Variants in ZBTB44 observed in about 807,000 individuals in gnomAD.
ZBTB44 encodes the protein zinc finger and BTB domain-containing protein 44.
In ZBTB44, 15 loss-of-function variants were observed where a neutral mutation model predicts 54.0. The observed-to-expected ratio is 0.28, with a 90% CI of 0.19 to 0.43. ZBTB44 has a LOEUF of 0.43. Ranked by LOEUF, ZBTB44 falls within the 20% of genes least tolerant of loss-of-function variation. The pLI, the probability that ZBTB44 is intolerant of heterozygous loss-of-function variation, is 1.00. For synonymous variants in ZBTB44, 230 were observed against 250.1 expected (o/e 0.92, Z 0.76); for missense variants, 487 against 707.1 (o/e 0.69, Z 3.53).
intron 1 of ZBTB44, among the ~76,000 whole-genome samples, chr11:130,302,980 A>G (rs1942066970): frequency 6.6e-6 from 1 of 152,170 alleles, no homozygotes; most frequent in African/African-American, 2.4e-5. Context: ...CATCACACAC[A>G]CCCACACATA....
intron 1 of ZBTB44, chr11:130,296,921 T>C (rs1941688276): frequency 1.4e-6 from 1 of 735,484 alleles, no homozygotes; most frequent in South Asian, 1.5e-5. Flanking sequence ...TGAATGTCAA[T>C]GGCAATGAAG....
rs1188662113 is a variant in ZBTB44 at position 130,261,976 on chromosome 11, A to T, written c.-56-47T>A. ...GCATTAATTGATATTTTAGTGGTTTAAAATGTGATTTAGATCATTTTCATG... is the reference window on the plus strand; with the variant it reads ...GCATTAATTGATATTTTAGTGGTTTTAAATGTGATTTAGATCATTTTCATG... On this transcript the variant is annotated intron_variant, in intron 1 of 7. Transcript: ENST00000357899. The surrounding 1 kb of genome is among the most constrained non-coding windows in gnomAD (Gnocchi z 4.8). 1.2e-5 allele frequency: 16 copies of T among 1,323,396 alleles called. No individual in the cohort carries two copies. The highest frequency in any genetic ancestry group is 1.4e-5 in the Non-Finnish European group (14 of 998,332). The allele number at this position is 1,323,396 out of a possible 1,614,324, so 82.0% of individuals were successfully genotyped here. A position where few individuals can be genotyped will look rare whatever the true frequency, so the allele number is the denominator to read the frequency against.
intron 1 of ZBTB44, chr11:130,285,810 A>G (rs1253886790): frequency 5.5e-6 from 1 of 180,980 alleles, no homozygotes; most frequent in Non-Finnish European, 1.2e-5. Context: ...CACAAGGCAC[A>G]CAACAAATCC....
In ZBTB44 at chr11:130,260,994, A is replaced by G. The variant is rs760036004; in HGVS notation, c.880T>C (p.Leu294=). Residue 294 remains leucine (L), a synonymous_variant, in exon 2 of 8, where the codon TTA becomes CTA. Transcript: ENST00000357899. ...EEDVRVKVER[L]SDEEVHEEVS... ...TCCTCATGGACCTCCTCATCACTTAATCTTTCTACTTTGACCCGGACATCT... is the reference window on the plus strand; with the variant it reads ...TCCTCATGGACCTCCTCATCACTTAGTCTTTCTACTTTGACCCGGACATCT... The G allele has an allele frequency of 5.8e-5, 94 of 1,613,772 alleles. No homozygotes were observed. The Middle Eastern group carries it at 9.9e-4, about 17-fold the overall frequency.
chr11:130,259,350 T>C (rs1313338284), intron 2 of ZBTB44, among the ~76,000 whole-genome samples: 3 of 152,254 alleles, frequency 2.0e-5, no homozygotes, highest in Non-Finnish European at 2.9e-5. Flanking sequence ...TTTACACTGT[T>C]GGTGGGACTG....
chr11:130,290,453 C>G (rs1042634374), intron 1 of ZBTB44, among the ~76,000 whole-genome samples: 1 of 152,212 alleles, frequency 6.6e-6, no homozygotes, highest in Non-Finnish European at 1.5e-5. Flanking sequence ...CCTTTTCCTC[C>G]TAACACAGAC....
At chr11:130,291,140 T>A (rs1049171091) in intron 1 of ZBTB44, among the ~76,000 whole-genome samples, 2 of 151,132 alleles carry the variant, frequency 1.3e-5, no homozygotes, top group Non-Finnish European at 3.0e-5. Context: ...CCTTTGTTGT[T>A]TTTTTTTTTG....
chr11:130,254,031 C>T (rs910263989), intron 2 of ZBTB44, among the ~76,000 whole-genome samples: 1 of 152,186 alleles, frequency 6.6e-6, no homozygotes, highest in Non-Finnish European at 1.5e-5. Context: ...AAAGGTGAAA[C>T]TGGATCCCTT....
intron 1 of ZBTB44, among the ~76,000 whole-genome samples, chr11:130,292,012 G>C (rs1941325955): frequency 6.6e-6 from 1 of 152,128 alleles, no homozygotes; most frequent in Non-Finnish European, 1.5e-5. Flanking sequence ...ATATAAATGG[G>C]ATTATATAGT....
Position 130,240,798 on chromosome 11 carries a change from T to C in ZBTB44, c.1019-902A>G, listed in dbSNP as rs552987914. Among the ~76,000 whole-genome samples the C allele has an allele frequency of 3.9e-4, 60 of 152,340 alleles. No individual in the cohort carries two copies. In the Middle Eastern group the frequency reaches 0.014, roughly 35 times the overall value. ...CAAGTATCCATAAGGTAGGTATTCG[T>C]TCTTGCTGGAACACAACTTTGGCTG... On this transcript the variant is annotated intron_variant, in intron 2 of 7. Transcript: ENST00000357899.
intron 1 of ZBTB44, among the ~76,000 whole-genome samples, chr11:130,309,675 A>G (rs1187683017): frequency 3.3e-5 from 5 of 152,092 alleles, no homozygotes; most frequent in Admixed American, 3.3e-4. Flanking sequence ...CAGGTGAATC[A>G]CTTGAGGTCA....
At position 130,228,494 on chromosome 11, in the gene ZBTB44, G is replaced by A; in HGVS notation, c.*3270C>T. On this transcript the variant is annotated 3_prime_UTR_variant, in exon 8 of 8. Transcript: ENST00000357899. ...AATCGCCTAGAGAAAACACACATAAGCTAATCCTAGAAAAGGCTCTCCTTA... is the reference window on the plus strand; with the variant it reads ...AATCGCCTAGAGAAAACACACATAAACTAATCCTAGAAAAGGCTCTCCTTA... The A allele has an allele frequency of 6.6e-6, 1 of 152,132 alleles. No homozygotes were observed. Among genetic ancestry groups the A allele is most frequent in the East Asian group, 1.9e-4 (1 of 5,188 alleles). The allele number at this position is 152,132 out of a possible 1,614,324, so 9.4% of individuals were successfully genotyped here.
chr11:130,242,470 C>A (rs1171523537), intron 2 of ZBTB44, among the ~76,000 whole-genome samples: 1 of 152,094 alleles, frequency 6.6e-6, no homozygotes, highest in African/African-American at 2.4e-5. Context: ...TCACTTCTGC[C>A]AAAAGTCCAT....
chr11:130,247,211 A>G (rs965815759), intron 2 of ZBTB44, among the ~76,000 whole-genome samples: 2 of 152,214 alleles, frequency 1.3e-5, no homozygotes, highest in Non-Finnish European at 1.5e-5. Flanking sequence ...GTTGCAAATG[A>G]GCAACAAACT....
chr11:130,299,511 C>T (rs1941873324), intron 1 of ZBTB44, among the ~76,000 whole-genome samples: 1 of 151,464 alleles, frequency 6.6e-6, no homozygotes, highest in African/African-American at 2.4e-5. Flanking sequence ...CGAGACCGTG[C>T]CATTGCACTC....
intron 1 of ZBTB44, among the ~76,000 whole-genome samples, chr11:130,264,738 A>C (rs577210411): frequency 6.6e-6 from 1 of 152,342 alleles, no homozygotes; most frequent in African/African-American, 2.4e-5. Flanking sequence ...TCCATAATAC[A>C]AACTTATATG....
rs374961613 is a variant in ZBTB44, at chr11:130,302,801, C to T, written c.-57+11574G>A. ...CAGCCTGCCTGACATGGTGAAACCC[C>T]GTCTCTACTTAAAAAATACAAAAAC... On this transcript the variant is annotated intron_variant, in intron 1 of 7. Coordinates refer to ENST00000357899, the MANE Select transcript of ZBTB44 (RefSeq NM_001301098.2). 2.9e-4 allele frequency among the ~76,000 whole-genome samples: 44 copies of T among 152,226 alleles called. 1 individual carries two copies. In the South Asian group the frequency reaches 6.2e-3, roughly 22 times the overall value.
At chr11:130,262,122 G>A (rs552714437) in intron 1 of ZBTB44, among the ~76,000 whole-genome samples, 193 bp from the exon 2 acceptor site, 2 of 152,138 alleles carry the variant, frequency 1.3e-5, no homozygotes, top group African/African-American at 4.8e-5. Context: ...AGTGAAGTCT[G>A]TGAACCAATG....
chr11:130,312,397 C>CAGGAG (rs1942662084), intron 1 of ZBTB44, among the ~76,000 whole-genome samples: 1 of 152,170 alleles, frequency 6.6e-6, no homozygotes, highest in South Asian at 2.1e-4. Flanking sequence ...TTGTGTGCCT[C>CAGGAG]CTATATTATG....
Sources: gnomAD v4.1 joint callset for allele counts (sites outside exome capture counted in the v4.1 genomes callset) on GRCh38, gnomAD v4.1.1 for gene constraint, Gnocchi (gnomAD v3.1) non-coding constraint, MANE v1.5 for transcripts, NCBI Gene and HGNC (gene_info 2026-07-23, HGNC 2026-07-21) for gene names.